DLG2: variants seen among roughly 807,000 people sequenced by gnomAD.
DLG2 encodes discs large MAGUK scaffold protein 2.
In DLG2, 45 loss-of-function variants were observed where a neutral mutation model predicts 132.5. That is an observed-to-expected ratio of 0.34 (90% CI 0.27 to 0.44). The LOEUF (loss-of-function observed/expected upper bound fraction) is 0.44, where lower values mean the gene tolerates loss of function less well. Among genes scored for constraint, DLG2 ranks in the 20% least tolerant of loss-of-function variants. DLG2 has a pLI of 1.00. For missense variants in DLG2, 1,045 were observed against 1,196.9 expected, an observed-to-expected ratio of 0.87 and a Z score of 1.87; for synonymous variants, 424 against 419.6, an observed-to-expected ratio of 1.01 and a Z score of -0.13.
intron 16 of DLG2, among the ~76,000 whole-genome samples, chr11:83,850,868 G>C (rs1044468691): frequency 3.9e-5 from 6 of 152,094 alleles, no homozygotes; most frequent in Admixed American, 2.6e-4. Context: ...GTTGAATTTT[G>C]TGTCTCCAAC....
chr11:85,044,515 G>A (rs116745996), intron 6 of DLG2, among the ~76,000 whole-genome samples: 2 of 151,888 alleles, frequency 1.3e-5, no homozygotes, highest in African/African-American at 4.8e-5. Context: ...AAACTTTCAG[G>A]GGTCAGGGTT....
intron 15 of DLG2, among the ~76,000 whole-genome samples, chr11:83,911,375 T>A (rs140233913): frequency 6.6e-6 from 1 of 152,270 alleles, no homozygotes; most frequent in African/African-American, 2.4e-5. Flanking sequence ...CAGGGTACAG[T>A]TTCATATTAG....
At chr11:85,380,299 C>T (rs760851102) in intron 3 of DLG2, among the ~76,000 whole-genome samples, 16 of 152,332 alleles carry the variant, frequency 1.1e-4, no homozygotes, top group Middle Eastern at 6.8e-3. Context: ...CATCGAAATA[C>T]GTTCCATATC....
intron 3 of DLG2, among the ~76,000 whole-genome samples, chr11:85,439,007 T>C (rs752784560): frequency 6.6e-6 from 1 of 152,194 alleles, no homozygotes; most frequent in Non-Finnish European, 1.5e-5. Context: ...CCAACTTATG[T>C]ATATATTAAT....
chr11:84,468,935 A>G (rs1029939635), intron 7 of DLG2, among the ~76,000 whole-genome samples: 2 of 151,522 alleles, frequency 1.3e-5, no homozygotes, highest in African/African-American at 4.8e-5. Flanking sequence ...AGAATCAGGT[A>G]GTAAATTCCT....
chr11:85,550,650 T>G (rs941682794), intron 3 of DLG2, among the ~76,000 whole-genome samples: 7 of 152,188 alleles, frequency 4.6e-5, no homozygotes, highest in Admixed American at 3.9e-4. Context: ...CAGGGAAATA[T>G]CTTGCTTCAA....
chr11:85,506,347 G>A, intron 3 of DLG2, among the ~76,000 whole-genome samples: 1 of 152,050 alleles, frequency 6.6e-6, no homozygotes. Flanking sequence ...TCTCTAGTGG[G>A]CATTTAGTGC....
At chr11:84,252,140 CTTTTTTTTTTTTTTTTT>C (rs1176873990) in intron 7 of DLG2, among the ~76,000 whole-genome samples, 48 of 65,340 alleles carry the variant, frequency 7.3e-4, no homozygotes, top group Non-Finnish European at 1.1e-3. Context: ...TTCTTTCTTT[CTTTTTTTTTTTTTTTTT>C]TTTTTTTTTT....
chr11:85,065,760 A>C (rs2064821928), intron 6 of DLG2, among the ~76,000 whole-genome samples: 1 of 151,026 alleles, frequency 6.6e-6, no homozygotes, highest in Admixed American at 6.6e-5. Flanking sequence ...AAAAATATAT[A>C]TTAAAGAAAT....
chr11:84,456,266 A>G (rs1333524950), intron 7 of DLG2, among the ~76,000 whole-genome samples: 1 of 151,388 alleles, frequency 6.6e-6, no homozygotes, highest in Non-Finnish European at 1.5e-5. Flanking sequence ...GTAATGCCTT[A>G]GAATCAGATA....
intron 4 of DLG2, among the ~76,000 whole-genome samples, chr11:85,222,302 C>A (rs1174686914): frequency 1.3e-5 from 2 of 152,034 alleles, no homozygotes; most frequent in African/African-American, 2.4e-5. Flanking sequence ...ATAATATATC[C>A]TAAGTCATAG....
intron 6 of DLG2, among the ~76,000 whole-genome samples, chr11:84,660,585 T>G (rs914258391): frequency 6.6e-6 from 1 of 152,150 alleles, no homozygotes; most frequent in African/African-American, 2.4e-5. Flanking sequence ...AGTAGAGAGA[T>G]GCTTTTGTCC....
At chr11:84,709,777 T>C (rs2060169477) in intron 6 of DLG2, among the ~76,000 whole-genome samples, 1 of 151,890 alleles carries the variant, frequency 6.6e-6, no homozygotes, top group South Asian at 2.1e-4. Context: ...ACACCTTCAA[T>C]GCCCCACTAC....
At chr11:85,179,858 T>C (rs1413784600) in intron 4 of DLG2, among the ~76,000 whole-genome samples, 1 of 151,940 alleles carries the variant, frequency 6.6e-6, no homozygotes, top group Non-Finnish European at 1.5e-5. Context: ...AAAGATTAAC[T>C]CACTGAGTCA....
At chr11:84,316,777 C>G in intron 7 of DLG2, 1 of 1,528,820 alleles carries the variant, frequency 6.5e-7, no homozygotes, top group Non-Finnish European at 8.8e-7. Flanking sequence ...ACAACTTGCT[C>G]TCACTTTCTT....
chr11:85,265,646 G>C (rs1387923535), intron 4 of DLG2, among the ~76,000 whole-genome samples: 2 of 152,192 alleles, frequency 1.3e-5, no homozygotes, highest in East Asian at 3.9e-4. Flanking sequence ...CTGCTCTCTT[G>C]ATTGGTTCTT....
At chr11:84,290,151 A>G (rs2097969350) in intron 7 of DLG2, among the ~76,000 whole-genome samples, 1 of 152,124 alleles carries the variant, frequency 6.6e-6, no homozygotes, top group East Asian at 1.9e-4. Context: ...AGGCAAAAAT[A>G]TTTCTAATGC....
At chr11:83,706,379 G>C (rs1368055614) in intron 18 of DLG2, among the ~76,000 whole-genome samples, 1 of 152,098 alleles carries the variant, frequency 6.6e-6, no homozygotes, top group Non-Finnish European at 1.5e-5. Context: ...CCTTTCATAG[G>C]ACATGTTAAG....
At chr11:83,641,247 C>G (rs2066413432) in intron 18 of DLG2, among the ~76,000 whole-genome samples, 1 of 152,076 alleles carries the variant, frequency 6.6e-6, no homozygotes, top group Non-Finnish European at 1.5e-5. Context: ...ATGTTTAAAA[C>G]TAGAAAATCC....
Sources: allele counts gnomAD v4.1 joint callset (sites outside exome capture counted in the v4.1 genomes callset), GRCh38; gene constraint gnomAD v4.1.1; transcripts MANE v1.5; gene names NCBI Gene and HGNC (gene_info 2026-07-23, HGNC 2026-07-21).